Variants in ACTMAP observed in about 807,000 individuals in gnomAD.
The protein encoded by ACTMAP is UPF0692 protein C19orf54.
chr19:40,749,404 A>ACCCCCCCC, the ACTMAP span: 58 of 1,173,870 alleles, frequency 4.9e-5, no homozygotes, highest in South Asian at 6.1e-5. Flanking sequence ...GGACACGGGA[A>ACCCCCCCC]CCCCCCCCCC....
chr19:40,744,935 G>A, the ACTMAP span: 30 of 810,174 alleles, frequency 3.7e-5, no homozygotes, highest in Admixed American at 1.0e-4. Context: ...AGGCTCATTC[G>A]TTCATTCCTC....
chr19:40,748,404 G>A, the ACTMAP span, among the ~76,000 whole-genome samples: 1 of 152,174 alleles, frequency 6.6e-6, no homozygotes, highest in Non-Finnish European at 1.5e-5. Flanking sequence ...GGAAAGCTTG[G>A]AGTTTCAATG....
chr19:40,749,414 C>CCA, the ACTMAP span: 1 of 1,425,022 alleles, frequency 7.0e-7, no homozygotes, highest in Non-Finnish European at 9.5e-7. Context: ...ACCCCCCCCC[C>CCA]ACCCCAAGAG....
chr19:40,743,829 G>C, the ACTMAP span: 1 of 1,559,774 alleles, frequency 6.4e-7, no homozygotes, highest in Non-Finnish European at 8.8e-7. Context: ...AGCACAAGGG[G>C]TGAGAATGTC....
chr19:40,741,630 A>G, the ACTMAP span: 3 of 434,810 alleles, frequency 6.9e-6, no homozygotes, highest in Non-Finnish European at 9.4e-6. Flanking sequence ...GGTCAGCACC[A>G]TAATGTTCAG....
At chr19:40,743,039 G>A in the ACTMAP span, among the ~76,000 whole-genome samples, 5 of 152,070 alleles carry the variant, frequency 3.3e-5, no homozygotes, top group Non-Finnish European at 5.9e-5. Flanking sequence ...GCCGTCACCC[G>A]GTCATCCTCA....
At chr19:40,750,137 C>T in the ACTMAP span, 4 of 209,880 alleles carry the variant, frequency 1.9e-5, no homozygotes, top group African/African-American at 9.3e-5. Flanking sequence ...GATGTGGAAA[C>T]TCATGAGTGA....
chr19:40,743,972 G>A, the ACTMAP span: 23 of 1,613,908 alleles, frequency 1.4e-5, no homozygotes, highest in South Asian at 5.5e-5. Context: ...AGTCCTCGTC[G>A]TAGCTGGTGC....
the ACTMAP span, chr19:40,741,477 C>T: frequency 6.7e-6 from 2 of 299,918 alleles, no homozygotes; most frequent in East Asian, 1.7e-4. Flanking sequence ...TGTAGTTTCC[C>T]TAAATGAGAT....
the ACTMAP span, chr19:40,749,715 G>A: frequency 2.6e-6 from 4 of 1,514,656 alleles, no homozygotes; most frequent in African/African-American, 5.7e-5. Flanking sequence ...TGGGGGTAGA[G>A]GAGGAGATGG....
the ACTMAP span, among the ~76,000 whole-genome samples, chr19:40,747,034 T>G: frequency 1.2e-4 from 18 of 150,776 alleles, no homozygotes; most frequent in African/African-American, 4.4e-4. Flanking sequence ...CTCAAACTCC[T>G]GGCCTCAGGT....
At chr19:40,745,666 G>C in the ACTMAP span, among the ~76,000 whole-genome samples, 1 of 151,870 alleles carries the variant, frequency 6.6e-6, no homozygotes. Context: ...TGTCCAGCTA[G>C]TTCTTTTTAT....
the ACTMAP span, chr19:40,742,608 C>T: frequency 6.2e-7 from 1 of 1,612,152 alleles, no homozygotes; most frequent in Non-Finnish European, 8.5e-7. Flanking sequence ...ATAGTGCCAA[C>T]TCTTGCCCTG....
the ACTMAP span, chr19:40,741,295 T>G: frequency 3.8e-6 from 1 of 260,222 alleles, no homozygotes. Context: ...TACAAAAAAT[T>G]AGCCAGGCAT....
chr19:40,744,687 G>C, the ACTMAP span: 5 of 1,603,612 alleles, frequency 3.1e-6, no homozygotes, highest in Non-Finnish European at 4.3e-6. Context: ...CCCGCATCTG[G>C]GGACAGAGAG....
At chr19:40,748,663 C>T in the ACTMAP span, among the ~76,000 whole-genome samples, 3 of 152,188 alleles carry the variant, frequency 2.0e-5, no homozygotes, top group African/African-American at 4.8e-5. Flanking sequence ...CTCTGTCCTG[C>T]GTGGGCTGGC....
the ACTMAP span, chr19:40,744,604 C>G: frequency 6.2e-7 from 1 of 1,613,880 alleles, no homozygotes; most frequent in Non-Finnish European, 8.5e-7. Flanking sequence ...TCCGTGGCCA[C>G]CCGTATGAGT....
chr19:40,749,411 C>A, the ACTMAP span: 2 of 1,426,320 alleles, frequency 1.4e-6, no homozygotes, highest in South Asian at 1.3e-5. Context: ...GGAACCCCCC[C>A]CCCACCCCAA....
the ACTMAP span, among the ~76,000 whole-genome samples, chr19:40,746,118 C>T: frequency 2.8e-4 from 43 of 152,210 alleles, no homozygotes; most frequent in African/African-American, 9.9e-4. Context: ...CAGGTAACAA[C>T]ATGCTTAAGG....
Sources: gnomAD v4.1 joint callset for allele counts (sites outside exome capture counted in the v4.1 genomes callset) on GRCh38, gnomAD v4.1.1 for gene constraint, MANE v1.5 for transcripts, NCBI Gene and HGNC (gene_info 2026-07-23, HGNC 2026-07-21) for gene names.